Variants in TNRC6C observed in about 807,000 individuals in gnomAD.
TNRC6C encodes the protein trinucleotide repeat containing adaptor 6C, also known as trinucleotide repeat-containing gene 6C protein.
A neutral mutation model predicts 153.7 loss-of-function variants in TNRC6C; 20 were observed. The observed-to-expected ratio is 0.13, with a 90% confidence interval of 0.09 to 0.19. The LOEUF is 0.19. TNRC6C is among the 10% of genes least tolerant of loss of function. The probability of loss-of-function intolerance (pLI) is 1.00; values close to 1 mark genes in which losing one functional copy is unlikely to be tolerated. For synonymous variants in TNRC6C, 811 were observed against 841.4 expected, an observed-to-expected ratio of 0.96 and a Z score of 0.63; for missense variants, 1,987 against 2,172.0, an observed-to-expected ratio of 0.91 and a Z score of 1.69.
intron 1 of TNRC6C, among the ~76,000 whole-genome samples, chr17:78,019,864 A>G (rs1220088350): frequency 1.3e-5 from 2 of 152,208 alleles, no homozygotes; most frequent in Non-Finnish European, 2.9e-5. Flanking sequence ...AAGAAGGGGA[A>G]TGTCAAGATT....
At chr17:78,087,877 C>T (rs983424253) in intron 13 of TNRC6C, among the ~76,000 whole-genome samples, 4 of 152,186 alleles carry the variant, frequency 2.6e-5, no homozygotes, top group African/African-American at 7.2e-5. Context: ...ACACAGCTCA[C>T]ATACCTGAAG....
exon 20 of TNRC6C, chr17:78,108,494 G>C (rs890907638): frequency 4.8e-5 from 6 of 124,566 alleles, no homozygotes; most frequent in African/African-American, 2.0e-4. Context: ...GGGGCAAACT[G>C]TACCCGTGCC....
exon 3 of TNRC6C, chr17:78,050,893 G>T (rs1208430387): frequency 6.2e-7 from 1 of 1,613,882 alleles, no homozygotes; most frequent in Non-Finnish European, 8.5e-7. Flanking sequence ...ACACTTGGGG[G>T]ATGGGAAAAA....
chr17:77,979,749 A>G (rs142902420), intron 1 of TNRC6C, among the ~76,000 whole-genome samples: 1 of 152,162 alleles, frequency 6.6e-6, no homozygotes, highest in African/African-American at 2.4e-5. Context: ...CAGAATCAAT[A>G]CCAAAAAACA....
At chr17:78,072,691 A>G (rs2073019849) in intron 6 of TNRC6C, among the ~76,000 whole-genome samples, 1 of 152,234 alleles carries the variant, frequency 6.6e-6, no homozygotes, top group African/African-American at 2.4e-5. Context: ...GAGACCAGCC[A>G]GGGCAACATG....
At chr17:78,055,249 A>G (rs1202283758) in intron 3 of TNRC6C, among the ~76,000 whole-genome samples, 2 of 152,194 alleles carry the variant, frequency 1.3e-5, no homozygotes, top group African/African-American at 4.8e-5. Context: ...TTTGATAACT[A>G]AGACACAAAC....
exon 17 of TNRC6C, chr17:78,098,510 C>T (rs759799109): frequency 3.1e-6 from 5 of 1,613,532 alleles, no homozygotes; most frequent in Non-Finnish European, 4.2e-6. Flanking sequence ...TGCCAGCCCC[C>T]TCGGCTGGAC....
upstream of TNRC6C, among the ~76,000 whole-genome samples, chr17:77,958,980 C>T (rs2070836569): frequency 6.9e-6 from 1 of 144,784 alleles, no homozygotes. Flanking sequence ...AGGACCCGGA[C>T]CCCGCCGGAG....
At chr17:77,968,977 T>C (rs531852768) in intron 1 of TNRC6C, among the ~76,000 whole-genome samples, 29 of 152,324 alleles carry the variant, frequency 1.9e-4, no homozygotes, top group African/African-American at 6.5e-4. Flanking sequence ...TCTTTCATTC[T>C]GTGTACTGTT....
At chr17:78,093,229 T>A in intron 15 of TNRC6C, 105 bp downstream of exon 17, 1 of 1,260,238 alleles carries the variant, frequency 7.9e-7, no homozygotes, top group Non-Finnish European at 1.1e-6. Context: ...GCTAAGGATC[T>A]GGAAGCGTTA....
rs559822042 is a variant in TNRC6C at position 77,986,856 on chromosome 17, G to A, written c.-37-17314G>A. Among the ~76,000 whole-genome samples the A allele has an allele frequency of 2.0e-5, 3 of 152,212 alleles. No homozygotes were observed. In the South Asian group the frequency reaches 6.2e-4, roughly 32 times the overall value. On this transcript the variant is annotated intron_variant, in intron 1 of 22. Transcript: ENST00000636222. ...GTGCACTAAATGACTCCCAGGCACT[G>A]TTAGTTACAGAAAAGAAGGTAGATC...
chr17:78,063,399 G>A (rs1243928221), intron 3 of TNRC6C, among the ~76,000 whole-genome samples: 2 of 151,920 alleles, frequency 1.3e-5, no homozygotes, highest in African/African-American at 4.8e-5. Flanking sequence ...GGAGGAAGGG[G>A]AGGGCTTGGT....
intron 1 of TNRC6C, among the ~76,000 whole-genome samples, chr17:77,983,166 A>G (rs1361750946): frequency 2.6e-5 from 4 of 152,222 alleles, no homozygotes; most frequent in African/African-American, 4.8e-5. Context: ...TCTTACTGTT[A>G]TACCTTATAA....
intron 1 of TNRC6C, among the ~76,000 whole-genome samples, chr17:77,984,126 G>C (rs1035605524): frequency 2.0e-5 from 3 of 152,174 alleles, no homozygotes; most frequent in African/African-American, 2.4e-5. Flanking sequence ...TTTGATACAG[G>C]AGATGGGCAC....
chr17:78,049,414 G>A lies in TNRC6C; in HGVS notation c.352G>A (p.Val118Met), dbSNP rs201090998. The change falls in exon 3 of 20, where the codon GTG becomes ATG. Residue 118 changes from valine to methionine, a missense_variant. By Grantham distance (21) the Val-to-Met change is conservative. Transcript: ENST00000301624. This position sits in a 1 kb window ranked among gnomAD's most constrained non-coding sequence, Gnocchi z 4.1. Reference sequence around the variant, plus strand: ...GCCTGTACTTGGACATGAAGGAACCGTGGCGACAGGCAACCCTTCCAGTAT... The same window carrying A: ...GCCTGTACTTGGACATGAAGGAACCATGGCGACAGGCAACCCTTCCAGTAT... 5.0e-5 allele frequency: 81 copies of A among 1,614,000 alleles called. No individual in the cohort carries two copies. The highest frequency in any genetic ancestry group is 1.9e-4 in the South Asian group (17 of 91,086).
chr17:78,102,499 A>C, exon 18 of TNRC6C: 2 of 1,607,986 alleles, frequency 1.2e-6, no homozygotes, highest in Admixed American at 3.4e-5. Context: ...CCGACACCTC[A>C]GGAAGAACCA....
At chr17:77,986,413 C>CA (rs764905338) in intron 1 of TNRC6C, among the ~76,000 whole-genome samples, 16 of 54,330 alleles carry the variant, frequency 2.9e-4, no homozygotes, top group South Asian at 6.2e-4. Flanking sequence ...AACTCCATCT[C>CA]AAAAAAAAAA....
upstream of TNRC6C, among the ~76,000 whole-genome samples, chr17:77,958,694 G>A (rs904298077): frequency 7.9e-5 from 12 of 151,880 alleles, no homozygotes; most frequent in Admixed American, 6.5e-4. Flanking sequence ...GGGGAGGGGG[G>A]TTCTTGTCAG....
chr17:78,075,517 G>A lies in TNRC6C; in HGVS notation c.3060+239G>A. The A allele has an allele frequency of 5.6e-6, 3 of 538,458 alleles. No homozygotes were observed. The highest frequency in any genetic ancestry group is 9.6e-6 in the Non-Finnish European group (3 of 313,820). 33.4% of individuals were successfully genotyped at this position (538,458 alleles called of 1,614,324 possible). On this transcript the variant is annotated intron_variant, in intron 8 of 19. Coordinates refer to ENST00000301624, the Ensembl canonical transcript of TNRC6C. This position sits in a 1 kb window ranked among gnomAD's most constrained non-coding sequence, Gnocchi z 4.2. ...GAAAACTGATTTTCATATTTATTGT[G>A]TGAACTTGGCTGGTTATCTGCTTCA...
Sources: allele counts gnomAD v4.1 joint callset (sites outside exome capture counted in the v4.1 genomes callset), GRCh38; gene constraint gnomAD v4.1.1; non-coding constraint Gnocchi (gnomAD v3.1); transcripts MANE v1.5; gene names NCBI Gene and HGNC (gene_info 2026-07-23, HGNC 2026-07-21).